Variants in LSS observed in about 807,000 individuals in gnomAD.
The protein encoded by LSS is lanosterol synthase, also known as 2,3-epoxysqualene-lanosterol cyclase.
Under a neutral mutation model 110.3 loss-of-function variants are expected in LSS, and 90 were observed. That is an observed-to-expected ratio of 0.82 (90% CI 0.69 to 0.97). The LOEUF (loss-of-function observed/expected upper bound fraction) is 0.97, where lower values mean the gene tolerates loss of function less well. Ranked by LOEUF, LSS falls within the 50% of genes least tolerant of loss-of-function variation. LSS has a pLI of 0.00. For missense variants in LSS, 927 were observed against 990.0 expected (o/e 0.94, Z 0.85); for synonymous variants, 433 against 400.0 (o/e 1.08, Z -0.98).
intron 17 of LSS, chr21:46,196,488 G>C: frequency 1.8e-6 from 1 of 553,812 alleles, no homozygotes; most frequent in Non-Finnish European, 3.2e-6. Flanking sequence ...GACGTGAGGG[G>C]AAAGCAAGGC....
At chr21:46,191,652 A>G (rs550934609) in intron 21 of LSS, among the ~76,000 whole-genome samples, 1 of 152,240 alleles carries the variant, frequency 6.6e-6, no homozygotes, top group South Asian at 2.1e-4. Flanking sequence ...TCTCCCATCC[A>G]GCTCCTCCCC....
Position 46,209,507 on chromosome 21 carries a change from CT to C in LSS, c.1266+46del, listed in dbSNP as rs1225441453. 6.5e-6 allele frequency: 10 copies of C among 1,543,440 alleles called. No homozygotes were observed. Among genetic ancestry groups the C allele is most frequent in the Middle Eastern group, 1.7e-4 (1 of 5,934 alleles). On this transcript the variant is annotated intron_variant, in intron 13 of 21. Coordinates refer to ENST00000397728, the MANE Select transcript of LSS (RefSeq NM_002340.6). This position sits in a 1 kb window ranked among gnomAD's most constrained non-coding sequence, Gnocchi z 4.4. ...CTTCTGCCTGCAGGAGCTCCCAGCCCTGATCCCCCTCTTCAGCCCCCTCAGA... is the reference window on the plus strand; with the variant it reads ...CTTCTGCCTGCAGGAGCTCCCAGCCCGATCCCCCTCTTCAGCCCCCTCAGA...
At chr21:46,218,178 C>G (rs2080231273) in intron 6 of LSS, among the ~76,000 whole-genome samples, 1 of 151,118 alleles carries the variant, frequency 6.6e-6, no homozygotes, top group South Asian at 2.1e-4. Flanking sequence ...GGGGACACCC[C>G]CACCAGGGTT....
Position 46,228,572 on chromosome 21 carries a change from G to A in LSS, c.42C>T (p.Tyr14=). 2 of 1,593,978 alleles carry A rather than the reference G, an allele frequency of 1.3e-6. No homozygotes were observed. Among genetic ancestry groups the A allele is most frequent in the African/African-American group, 1.3e-5 (1 of 74,802 alleles). ...CGAGGTCGGTGGCGGGCTCGGTCTT[G>A]TAGGGGCCCCCTCGGCGCCGCAGAC... ...GTCLRRRGGP[Y]KTEPATDLGR... Residue 14 remains tyrosine (Y), a synonymous_variant, in exon 2 of 22, where the codon TAC becomes TAT. Transcript: ENST00000397728.
intron 17 of LSS, among the ~76,000 whole-genome samples, chr21:46,197,574 A>T (rs1381269886): frequency 6.6e-6 from 1 of 152,214 alleles, no homozygotes; most frequent in Non-Finnish European, 1.5e-5. Context: ...ATGAACACAG[A>T]TGCAAAACTC....
intron 19 of LSS, 29 bp from the exon 20 acceptor site, chr21:46,194,690 T>A (rs1218621584): frequency 6.2e-7 from 1 of 1,602,236 alleles, no homozygotes; most frequent in Admixed American, 1.7e-5. Flanking sequence ...GGAGACACCA[T>A]CACACCAAGG....
At position 46,206,751 on chromosome 21, in the gene LSS, A is replaced by G. The variant is rs985166790; in HGVS notation, c.1485T>C (p.Asn495=). The G allele has an allele frequency of 1.9e-6, 3 of 1,611,896 alleles. No homozygotes were observed. The highest frequency in any genetic ancestry group is 2.7e-5 in the African/African-American group (2 of 74,866). The change falls in exon 16 of 22, where the codon AAT becomes AAC. Residue 495 remains asparagine, a synonymous_variant. Transcript: ENST00000397728. ...DAVAVLLNMR[N]PDGGFATYET... Reference sequence around the variant, plus strand: ...CATAGGTGGCGAACCCTCCATCTGGATTTCTCATGTTCAGCAGCTGAAATC... The same window carrying G: ...CATAGGTGGCGAACCCTCCATCTGGGTTTCTCATGTTCAGCAGCTGAAATC...
rs550184008 is a variant in LSS at position 46,201,771 on chromosome 21, T to C, written c.1670+4065A>G. 1.2e-4 allele frequency among the ~76,000 whole-genome samples: 18 copies of C among 151,294 alleles called. 1 individual carries two copies. Among genetic ancestry groups the C allele is most frequent in the African/African-American group, 4.1e-4 (17 of 41,254 alleles). ...AAGTAACTTGCAACTCCAAACTGTA[T>C]CTCAAAAACTCTCCAGGTAAGTTTA... On this transcript the variant is annotated intron_variant, in intron 17 of 21. Transcript: ENST00000397728.
chr21:46,209,835 G>A lies in LSS; in HGVS notation c.1195-210C>T, dbSNP rs1241265477. Among the ~76,000 whole-genome samples, 3 of 152,226 alleles carry A rather than the reference G, an allele frequency of 2.0e-5. No individual in the cohort carries two copies. Among genetic ancestry groups the A allele is most frequent in the Admixed American group, 2.0e-4 (3 of 15,292 alleles). On this transcript the variant is annotated intron_variant, in intron 12 of 21. Transcript: ENST00000397728. This position sits in a 1 kb window ranked among gnomAD's most constrained non-coding sequence, Gnocchi z 4.4. ...CCATGAGATATGACTGAAGATGGAAGGGCGCAGGAGACCATTTATGGATGC... is the reference window on the plus strand; with the variant it reads ...CCATGAGATATGACTGAAGATGGAAAGGCGCAGGAGACCATTTATGGATGC...
Position 46,191,919 on chromosome 21 carries a change from G to A in LSS, c.2029C>T (p.Leu677=). 1.9e-6 allele frequency: 3 copies of A among 1,613,804 alleles called. No homozygotes were observed. The highest frequency in any genetic ancestry group is 1.7e-5 in the Admixed American group (1 of 59,970). Reference sequence around the variant, plus strand: ...CCATTGGGGAGCTGTTTCTCAAGTAGACACCGGACTCCTCTCTCCTGGGCC... The same window carrying A: ...CCATTGGGGAGCTGTTTCTCAAGTAAACACCGGACTCCTCTCTCCTGGGCC... ...IEAQERGVRC[L]LEKQLPNGDW... is the part of the protein sequence containing the mutation. The change falls in exon 21 of 22, where the codon CTA becomes TTA. Residue 677 remains leucine, a synonymous_variant. Transcript: ENST00000397728.
intron 6 of LSS, among the ~76,000 whole-genome samples, chr21:46,217,384 T>C (rs2080220944): frequency 1.3e-5 from 2 of 151,978 alleles, no homozygotes; most frequent in Admixed American, 6.6e-5. Flanking sequence ...GTGTGCCTCA[T>C]GTGTTTTCTC....
chr21:46,225,730 TCTGC>T (rs1212405839), intron 3 of LSS, among the ~76,000 whole-genome samples: 1 of 152,220 alleles, frequency 6.6e-6, no homozygotes, highest in African/African-American at 2.4e-5. Context: ...TCTCCCACTC[TCTGC>T]CTCGGCTGCC....
intron 6 of LSS, 78 bp downstream of exon 6, chr21:46,219,398 A>C: frequency 9.9e-7 from 1 of 1,009,558 alleles, no homozygotes; most frequent in Admixed American, 2.7e-5. Flanking sequence ...CACAGCCTGC[A>C]CCTGACCCAC....
intron 14 of LSS, 79 bp downstream of exon 14, chr21:46,208,172 C>G (rs1601428858): frequency 1.4e-6 from 2 of 1,389,416 alleles, no homozygotes; most frequent in East Asian, 5.0e-5. Flanking sequence ...GGAGCCCCCC[C>G]TTCAGAGGGA....
At chr21:46,192,059 G>T (rs2079824320) in intron 20 of LSS, 100 bp from the exon 21 acceptor site, 2 of 928,960 alleles carry the variant, frequency 2.2e-6, no homozygotes, top group Non-Finnish European at 3.4e-6. Flanking sequence ...CTGGAATGCT[G>T]CAGTGAGAAT....
At chr21:46,191,841 C>A (rs760356994) in intron 21 of LSS, 40 bp downstream of exon 21, 1 of 1,555,812 alleles carries the variant, frequency 6.4e-7, no homozygotes, top group South Asian at 1.1e-5. Context: ...CGCTGGAGGT[C>A]AGTGCTGGGC....
chr21:46,200,552 C>A (rs2079965868), intron 17 of LSS, among the ~76,000 whole-genome samples: 1 of 150,634 alleles, frequency 6.6e-6, no homozygotes. Context: ...TGAATCTAAT[C>A]ACGAGACACC....
intron 15 of LSS, 52 bp from the exon 16 acceptor site, chr21:46,206,820 G>A (rs2080055652): frequency 7.5e-7 from 1 of 1,340,478 alleles, no homozygotes; most frequent in Non-Finnish European, 1.1e-6. Flanking sequence ...AGCACACACA[G>A]GCGCCCAGGG....
intron 3 of LSS, among the ~76,000 whole-genome samples, chr21:46,223,344 C>G (rs540796104): frequency 6.6e-6 from 1 of 152,220 alleles, no homozygotes; most frequent in African/African-American, 2.4e-5. Context: ...CCACCCTCCA[C>G]CTTCACTCCC....
Sources: gnomAD v4.1 joint callset for allele counts (sites outside exome capture counted in the v4.1 genomes callset) on GRCh38, gnomAD v4.1.1 for gene constraint, Gnocchi (gnomAD v3.1) non-coding constraint, MANE v1.5 for transcripts, NCBI Gene and HGNC (gene_info 2026-07-23, HGNC 2026-07-21) for gene names.